The following MGAT4C variants were observed in gnomAD, a reference collection of about 807,000 sequenced individuals.
MGAT4C encodes the protein MGAT4 family member C, also known as alpha-1,3-mannosyl-glycoprotein 4-beta-N-acetylglucosaminyltransferase C.
MGAT4C carries 19 observed loss-of-function variants against 40.1 expected under a neutral mutation model. The observed-to-expected ratio is 0.47, with a 90% CI of 0.33 to 0.70. The LOEUF is 0.70. MGAT4C is among the 30% of genes least tolerant of loss of function. The pLI, the probability that MGAT4C is intolerant of heterozygous loss-of-function variation, is 0.02. For missense variants in MGAT4C, 491 were observed against 563.2 expected (o/e 0.87, Z 1.30); for synonymous variants, 181 against 187.1 (o/e 0.97, Z 0.27).
chr12:86,332,380 G>A (rs1394309307), intron 4 of MGAT4C, among the ~76,000 whole-genome samples: 1 of 150,926 alleles, frequency 6.6e-6, no homozygotes, highest in African/African-American at 2.4e-5. Context: ...AATGAAGAAC[G>A]GATTTTTTTT....
At chr12:86,675,805 T>C (rs1964379443) in intron 2 of MGAT4C, among the ~76,000 whole-genome samples, 1 of 152,192 alleles carries the variant, frequency 6.6e-6, no homozygotes, top group Admixed American at 6.6e-5. Flanking sequence ...TCACCTTAAA[T>C]ATTTGTCTTT....
chr12:86,268,425 G>C (rs753920302), intron 4 of MGAT4C, among the ~76,000 whole-genome samples: 6 of 151,582 alleles, frequency 4.0e-5, no homozygotes, highest in Non-Finnish European at 8.8e-5. Context: ...TAAAAACATT[G>C]AAAAATACAT....
chr12:86,019,961 T>C (rs1889511308), intron 2 of MGAT4C, among the ~76,000 whole-genome samples: 1 of 152,178 alleles, frequency 6.6e-6, no homozygotes, highest in South Asian at 2.1e-4. Context: ...CAATTGTGAA[T>C]GGGAGTTCAC....
chr12:86,623,550 A>G (rs1962706293), intron 2 of MGAT4C, among the ~76,000 whole-genome samples: 1 of 152,184 alleles, frequency 6.6e-6, no homozygotes, highest in African/African-American at 2.4e-5. Flanking sequence ...GAACTGACAG[A>G]AAACTACTAG....
chr12:86,276,264 G>T (rs761032588), intron 4 of MGAT4C, among the ~76,000 whole-genome samples: 39 of 152,008 alleles, frequency 2.6e-4, no homozygotes, highest in Non-Finnish European at 4.9e-4. Context: ...TACAAGATGA[G>T]AAATCTATTT....
intron 3 of MGAT4C, among the ~76,000 whole-genome samples, chr12:86,431,707 T>C (rs775270569): frequency 2.0e-5 from 3 of 152,140 alleles, no homozygotes; most frequent in African/African-American, 4.8e-5. Flanking sequence ...TTTCCCATCA[T>C]GATTGAGTGA....
chr12:86,508,181 T>A (rs1386705219), intron 2 of MGAT4C, among the ~76,000 whole-genome samples: 1 of 152,130 alleles, frequency 6.6e-6, no homozygotes, highest in East Asian at 1.9e-4. Flanking sequence ...TAGCATTAGG[T>A]ATATCTCCTA....
intron 1 of MGAT4C, among the ~76,000 whole-genome samples, chr12:86,146,946 G>A (rs919264793): frequency 9.2e-5 from 14 of 151,816 alleles, no homozygotes; most frequent in South Asian, 2.1e-4. Flanking sequence ...ACTCTGTAAA[G>A]TTTGGAAGTA....
At chr12:86,425,166 C>T (rs1171464974) in intron 3 of MGAT4C, among the ~76,000 whole-genome samples, 1 of 152,126 alleles carries the variant, frequency 6.6e-6, no homozygotes, top group Non-Finnish European at 1.5e-5. Context: ...GTGGTGGCTC[C>T]AGATTTCTTG....
chr12:86,267,088 T>G lies in MGAT4C; in HGVS notation c.-57+66977A>C, dbSNP rs1275225223. 1.2e-4 allele frequency among the ~76,000 whole-genome samples: 19 copies of G among 152,140 alleles called. 1 individual carries two copies. The highest frequency in any genetic ancestry group is 1.5e-5 in the Non-Finnish European group (1 of 67,994). On this transcript the variant is annotated intron_variant, in intron 4 of 7. Coordinates refer to the MGAT4C transcript ENST00000548651. ...TGTTTTATCTTTTGTAATTTTTTTT[T>G]GGTCTTTTTTCATTTAGATCGGCTC...
intron 1 of MGAT4C, among the ~76,000 whole-genome samples, chr12:86,202,295 C>T (rs1950082286): frequency 6.6e-6 from 1 of 151,992 alleles, no homozygotes; most frequent in Non-Finnish European, 1.5e-5. Flanking sequence ...CATTTATTCT[C>T]ATTTTACTCT....
intron 1 of MGAT4C, among the ~76,000 whole-genome samples, chr12:86,166,367 G>C (rs1385186987): frequency 6.6e-6 from 1 of 152,172 alleles, no homozygotes; most frequent in Non-Finnish European, 1.5e-5. Flanking sequence ...CTATGTACTA[G>C]AATAAAATTT....
At chr12:86,738,939 T>C (rs1273340308) in intron 1 of MGAT4C, among the ~76,000 whole-genome samples, 1 of 150,794 alleles carries the variant, frequency 6.6e-6, no homozygotes, top group African/African-American at 2.4e-5. Context: ...TAAAATTTTA[T>C]TAAATACCTA....
intron 3 of MGAT4C, among the ~76,000 whole-genome samples, chr12:86,423,920 G>T (rs921731658): frequency 1.3e-5 from 2 of 152,154 alleles, no homozygotes; most frequent in Non-Finnish European, 2.9e-5. Flanking sequence ...CCTCAAAGGG[G>T]TAGGACATAG....
At chr12:86,616,566 G>T (rs932994362) in intron 2 of MGAT4C, among the ~76,000 whole-genome samples, 1 of 151,992 alleles carries the variant, frequency 6.6e-6, no homozygotes, top group African/African-American at 2.4e-5. Context: ...TGTCAGTTTT[G>T]ATATTCTTGA....
chr12:86,505,436 A>G (rs2136340343), intron 2 of MGAT4C, among the ~76,000 whole-genome samples: 1 of 152,290 alleles, frequency 6.6e-6, no homozygotes, highest in Admixed American at 6.5e-5. Flanking sequence ...AGTTTAGGTG[A>G]GGCCAGAAGT....
At chr12:86,384,148 G>GAAC in intron 3 of MGAT4C, among the ~76,000 whole-genome samples, 1 of 152,152 alleles carries the variant, frequency 6.6e-6, no homozygotes, top group East Asian at 1.9e-4. Flanking sequence ...CAGCCACGTG[G>GAAC]AACTGTAAGT....
chr12:86,761,995 A>C (rs1199841554), intron 1 of MGAT4C, among the ~76,000 whole-genome samples: 1 of 151,840 alleles, frequency 6.6e-6, no homozygotes, highest in Admixed American at 6.6e-5. Context: ...ACAATGGGTT[A>C]GCTGAGTCCT....
chr12:86,084,359 T>G (rs1468128920), intron 1 of MGAT4C, among the ~76,000 whole-genome samples: 2 of 152,034 alleles, frequency 1.3e-5, no homozygotes, highest in Non-Finnish European at 2.9e-5. Flanking sequence ...TATTAAAAGA[T>G]ATGTAATATT....
Sources: allele counts gnomAD v4.1 joint callset (sites outside exome capture counted in the v4.1 genomes callset), GRCh38; gene constraint gnomAD v4.1.1; transcripts MANE v1.5; gene names NCBI Gene and HGNC (gene_info 2026-07-23, HGNC 2026-07-21).